ABHD2: variants seen among roughly 807,000 people sequenced by gnomAD.
ABHD2 encodes abhydrolase domain containing 2, acylglycerol lipase.
ABHD2 carries 20 observed loss-of-function variants against 48.1 expected under a neutral mutation model. That is an observed-to-expected ratio of 0.42 (90% CI 0.29 to 0.60). ABHD2 has a LOEUF of 0.60. Among genes scored for constraint, ABHD2 ranks in the 20% least tolerant of loss-of-function variants. The pLI is 0.24. For synonymous variants in ABHD2, 209 were observed against 214.2 expected (o/e 0.98, Z 0.21); for missense variants, 405 against 550.9 (o/e 0.74, Z 2.65).
intron 3 of ABHD2, among the ~76,000 whole-genome samples, chr15:89,143,173 A>G (rs1295624756): frequency 6.6e-6 from 1 of 152,198 alleles, no homozygotes; most frequent in Non-Finnish European, 1.5e-5. Flanking sequence ...CACCAAGTCC[A>G]ATTCTCTAAG....
the ABHD2 span, among the ~76,000 whole-genome samples, chr15:89,046,997 A>C: frequency 6.6e-6 from 1 of 151,114 alleles, no homozygotes; most frequent in South Asian, 2.1e-4. Flanking sequence ...TTAGGGTTTC[A>C]ATTTTGGATC....
chr15:89,176,320 C>T lies in ABHD2; in HGVS notation c.722+325C>T, dbSNP rs866166809. Among the ~76,000 whole-genome samples, 2 of 152,052 alleles carry T rather than the reference C, an allele frequency of 1.3e-5. No homozygotes were observed. Among genetic ancestry groups the T allele is most frequent in the African/African-American group, 2.4e-5 (1 of 41,404 alleles). On this transcript the variant is annotated intron_variant, in intron 6 of 10. Coordinates refer to ENST00000352732, the MANE Select transcript of ABHD2 (RefSeq NM_152924.5). This position sits in a 1 kb window ranked among gnomAD's most constrained non-coding sequence, Gnocchi z 4.5. ...CAGGCTTCAGGAGTTTTTATAGAAA[C>T]GTGGATTAATGAAAGAGCACAGGAG...
At chr15:89,193,068 A>T (rs1000445563) in intron 9 of ABHD2, among the ~76,000 whole-genome samples, 167 bp from the exon 10 acceptor site, 1 of 152,218 alleles carries the variant, frequency 6.6e-6, no homozygotes, top group Non-Finnish European at 1.5e-5. Flanking sequence ...AACTCATCAC[A>T]CTGCCAGAGA....
chr15:89,136,797 C>T (rs1241951386), intron 3 of ABHD2, among the ~76,000 whole-genome samples: 2 of 152,240 alleles, frequency 1.3e-5, no homozygotes, highest in South Asian at 4.1e-4. Context: ...CAGCTCTAAT[C>T]TTCCCTCCCC....
At position 89,121,921 on chromosome 15, in the gene ABHD2, T is replaced by G. The variant is rs11854223; in HGVS notation, c.194+5400T>G. Among the ~76,000 whole-genome samples, 461 of 152,322 alleles carry G rather than the reference T, an allele frequency of 3.0e-3. 1 individual carries two copies. The highest frequency in any genetic ancestry group is 0.01 in the African/African-American group (434 of 41,572). ...GTAACTCACCGTAACCTCAAACTCCTGAGCTCAAGCTATCCTCCTGCCTGT... is the reference window on the plus strand; with the variant it reads ...GTAACTCACCGTAACCTCAAACTCCGGAGCTCAAGCTATCCTCCTGCCTGT... On this transcript the variant is annotated intron_variant, in intron 3 of 10. Transcript: ENST00000352732.
In ABHD2 at chr15:89,176,349, G is replaced by A. The variant is rs960212737; in HGVS notation, c.722+354G>A. On this transcript the variant is annotated intron_variant, in intron 6 of 10. Transcript: ENST00000352732. The surrounding 1 kb of genome is among the most constrained non-coding windows in gnomAD (Gnocchi z 4.5). The stretch of plus-strand genomic sequence containing the variant: ...GATTAATGAAAGAGCACAGGAGACT[G>A]GCAAGCTGGGATCTGAAAGCTGGGC... Among the ~76,000 whole-genome samples, 3 of 152,194 alleles carry A rather than the reference G, an allele frequency of 2.0e-5. No homozygotes were observed. Among genetic ancestry groups the A allele is most frequent in the Non-Finnish European group, 2.9e-5 (2 of 68,040 alleles).
intron 1 of ABHD2, among the ~76,000 whole-genome samples, chr15:89,108,457 C>G (rs767704384): frequency 6.6e-6 from 1 of 152,192 alleles, no homozygotes; most frequent in Non-Finnish European, 1.5e-5. Context: ...CGAGTACGAC[C>G]CCATCTTAAC....
chr15:89,043,448 G>GAGA, the ABHD2 span, among the ~76,000 whole-genome samples: 1 of 130,470 alleles, frequency 7.7e-6, no homozygotes, highest in African/African-American at 2.9e-5. Flanking sequence ...GAAGAAGAAG[G>GAGA]AGGAGGAGGA....
chr15:89,078,529 T>G, the ABHD2 span, among the ~76,000 whole-genome samples: 1 of 152,202 alleles, frequency 6.6e-6, no homozygotes, highest in African/African-American at 2.4e-5. Context: ...TGAACGTTAT[T>G]GTCCATGTTT....
intron 4 of ABHD2, among the ~76,000 whole-genome samples, chr15:89,152,330 C>T (rs11073842): frequency 0.38 from 58,309 of 151,958 alleles, 11,904 homozygotes; most frequent in East Asian, 0.78. Flanking sequence ...CTGCCTGCCT[C>T]GGCCTCCCAA....
intron 3 of ABHD2, among the ~76,000 whole-genome samples, chr15:89,132,709 A>C (rs2080997981): frequency 6.6e-6 from 1 of 152,228 alleles, no homozygotes; most frequent in African/African-American, 2.4e-5. Context: ...ATAAGCAGTG[A>C]CACCAGCACT....
chr15:89,082,349 G>T, the ABHD2 span: 2 of 152,142 alleles, frequency 1.3e-5, no homozygotes, highest in Non-Finnish European at 2.9e-5. This position sits in a 1 kb window ranked among gnomAD's most constrained non-coding sequence, Gnocchi z 4.4. Flanking sequence ...ATACCCAAGG[G>T]GCTGAGACGA....
chr15:89,053,570 T>C, the ABHD2 span, among the ~76,000 whole-genome samples: 2 of 152,024 alleles, frequency 1.3e-5, no homozygotes, highest in Non-Finnish European at 2.9e-5. Flanking sequence ...TCTTGGGGGA[T>C]TTGAAGGGAG....
chr15:89,119,343 C>T (rs2050011556), intron 3 of ABHD2, among the ~76,000 whole-genome samples: 1 of 152,016 alleles, frequency 6.6e-6, no homozygotes, highest in African/African-American at 2.4e-5. Context: ...ACTTTATTGC[C>T]CCCCCATCCT....
rs2051257285 is a variant in ABHD2, at chr15:89,188,856, G to A, written c.926+553G>A. Among the ~76,000 whole-genome samples, 2 of 150,294 alleles carry A rather than the reference G, an allele frequency of 1.3e-5. No homozygotes were observed. Among genetic ancestry groups the A allele is most frequent in the Non-Finnish European group, 3.0e-5 (2 of 67,762 alleles). Reference sequence around the variant, plus strand: ...TTCATGCCATTGCACTCCAGCCAGGGTGACACAGCAAGACCCTTCTCAAAA... The same window carrying A: ...TTCATGCCATTGCACTCCAGCCAGGATGACACAGCAAGACCCTTCTCAAAA... On this transcript the variant is annotated intron_variant, in intron 8 of 10. Transcript: ENST00000352732. The surrounding 1 kb of genome is among the most constrained non-coding windows in gnomAD (Gnocchi z 4.1).
At chr15:89,049,734 C>T in the ABHD2 span, among the ~76,000 whole-genome samples, 4 of 152,242 alleles carry the variant, frequency 2.6e-5, no homozygotes, top group African/African-American at 9.6e-5. Flanking sequence ...GGCAATGCCT[C>T]GCCCTGCTTT....
rs748983183 is a variant in ABHD2 at position 89,170,080 on chromosome 15, C to CTTTTTTTTTTTT, written c.539-5710_539-5699dup. On this transcript the variant is annotated intron_variant, in intron 5 of 10. Transcript: ENST00000352732. ...GAGCCATTCCATGTCAGATCAGATT[C>CTTTTTTTTTTTT]TTTTTTTTTTTTTTTTTTTTTTTTT... Among the ~76,000 whole-genome samples the CTTTTTTTTTTTT allele has an allele frequency of 9.1e-4, 34 of 37,502 alleles. 11 individuals carry two copies. The highest frequency in any genetic ancestry group is 4.2e-3 in the East Asian group (4 of 954). The allele number at this position is 37,502 out of a possible 152,430, so 24.6% of individuals were successfully genotyped here.
At chr15:89,099,333 C>T (rs1241788518) in intron 1 of ABHD2, among the ~76,000 whole-genome samples, 1 of 152,204 alleles carries the variant, frequency 6.6e-6, no homozygotes, top group Non-Finnish European at 1.5e-5. Flanking sequence ...CTCAGTGGCT[C>T]ATACCTGTAT....
At chr15:89,131,922 G>A (rs2050225724) in intron 3 of ABHD2, among the ~76,000 whole-genome samples, 1 of 152,058 alleles carries the variant, frequency 6.6e-6, no homozygotes, top group South Asian at 2.1e-4. Flanking sequence ...ATGGCATTAA[G>A]AAATAAAGGC....
Sources: gnomAD v4.1 joint callset for allele counts (sites outside exome capture counted in the v4.1 genomes callset) on GRCh38, gnomAD v4.1.1 for gene constraint, Gnocchi (gnomAD v3.1) non-coding constraint, MANE v1.5 for transcripts, NCBI Gene and HGNC (gene_info 2026-07-23, HGNC 2026-07-21) for gene names.